KATNAL2: variants seen among roughly 807,000 people sequenced by gnomAD.
KATNAL2 encodes the protein katanin p60 ATPase-containing subunit A-like 2.
A neutral mutation model predicts 76.3 loss-of-function variants in KATNAL2; 52 were observed. The observed-to-expected ratio is 0.68, with a 90% CI of 0.55 to 0.86. The LOEUF is 0.86. KATNAL2 is among the 40% of genes least tolerant of loss of function. The pLI is 0.00. For synonymous variants in KATNAL2, 243 were observed against 244.2 expected, an observed-to-expected ratio of 1.00 and a Z score of 0.05; for missense variants, 660 against 668.9, an observed-to-expected ratio of 0.99 and a Z score of 0.15.
intron 15 of KATNAL2, among the ~76,000 whole-genome samples, chr18:47,080,184 G>C (rs1021468080): frequency 6.6e-6 from 1 of 152,080 alleles, no homozygotes; most frequent in African/African-American, 2.4e-5. Flanking sequence ...TTTTAGTTGT[G>C]AGTTGATGCC....
At chr18:47,050,744 A>G (rs552792874) in intron 4 of KATNAL2, among the ~76,000 whole-genome samples, 1 of 152,368 alleles carries the variant, frequency 6.6e-6, no homozygotes, top group South Asian at 2.1e-4. Flanking sequence ...ACGAAGTTCT[A>G]CAAATTCAGC....
In KATNAL2 at chr18:47,100,264, G is replaced by C; in HGVS notation, c.1385G>C (p.Gly462Ala). The change falls in exon 17 of 18, where the codon GGC becomes GCC. Residue 462 changes from glycine to alanine, a missense_variant. Physicochemically the swap from Gly to Ala is moderately conservative, Grantham distance 60 (BLOSUM62 0). Transcript: ENST00000683218. Reference sequence around the variant, plus strand: ...TTTTGGCTGTTTCAGGAGACTGAGGGCTACTCAGGCTCAGATATTAAGCTC... The same window carrying C: ...TTTTGGCTGTTTCAGGAGACTGAGGCCTACTCAGGCTCAGATATTAAGCTC... ...EYSVLSQETE[G>A]YSGSDIKLVC... The C allele has an allele frequency of 6.2e-7, 1 of 1,613,718 alleles. No individual in the cohort carries two copies. The highest frequency in any genetic ancestry group is 1.1e-5 in the South Asian group (1 of 91,068).
chr18:47,040,798 A>T (rs1223693397), intron 3 of KATNAL2, among the ~76,000 whole-genome samples: 1 of 152,166 alleles, frequency 6.6e-6, no homozygotes, highest in Non-Finnish European at 1.5e-5. Context: ...TTAAAAAAGA[A>T]TGTGACCAAA....
chr18:47,083,227 T>C (rs1446062511), intron 15 of KATNAL2, among the ~76,000 whole-genome samples: 1 of 152,246 alleles, frequency 6.6e-6, no homozygotes. Flanking sequence ...GATGTCCTTC[T>C]ATGAGAAAAT....
chr18:46,944,546 C>A (rs1036859099), intron 1 of KATNAL2, among the ~76,000 whole-genome samples: 2 of 151,980 alleles, frequency 1.3e-5, no homozygotes, highest in Non-Finnish European at 2.9e-5. Flanking sequence ...ACCAGCCTGG[C>A]CAACATGGTG....
chr18:47,051,322 T>C (rs1383947844), intron 4 of KATNAL2, among the ~76,000 whole-genome samples: 2 of 151,986 alleles, frequency 1.3e-5, no homozygotes, highest in Non-Finnish European at 2.9e-5. Context: ...TCCAAGCTAC[T>C]TGAAAGGCTG....
chr18:47,089,971 AGAGCTGGGG>A (rs2062929620), intron 15 of KATNAL2, among the ~76,000 whole-genome samples: 1 of 152,204 alleles, frequency 6.6e-6, no homozygotes, highest in Non-Finnish European at 1.5e-5. Context: ...TATTTTTGGT[AGAGCTGGGG>A]TTTCACCATG....
intron 3 of KATNAL2, chr18:47,033,441 G>A (rs267605191): frequency 4.3e-6 from 7 of 1,613,858 alleles, no homozygotes; most frequent in Admixed American, 1.7e-5. Flanking sequence ...GAAGCCGCAG[G>A]TACTGCTCCC....
At chr18:47,059,894 A>C (rs2061581138) in intron 8 of KATNAL2, among the ~76,000 whole-genome samples, 1 of 152,092 alleles carries the variant, frequency 6.6e-6, no homozygotes, top group South Asian at 2.1e-4. Flanking sequence ...ACATTTGTAA[A>C]TTGAGGGGCT....
At chr18:47,031,636 G>T (rs2060454217) in intron 3 of KATNAL2, among the ~76,000 whole-genome samples, 2 of 152,278 alleles carry the variant, frequency 1.3e-5, no homozygotes, top group African/African-American at 4.8e-5. Context: ...CAATTCTTCA[G>T]AGCTAGAATG....
At chr18:46,957,440 G>C (rs1456055394) in intron 3 of KATNAL2, among the ~76,000 whole-genome samples, 2 of 151,496 alleles carry the variant, frequency 1.3e-5, no homozygotes, top group African/African-American at 4.8e-5. Context: ...ATTTTTAGTA[G>C]AGACGGTGTT....
chr18:47,032,911 T>G, intron 3 of KATNAL2: 1 of 1,606,080 alleles, frequency 6.2e-7, no homozygotes, highest in Non-Finnish European at 8.5e-7. Flanking sequence ...TTAAAGGTTC[T>G]GGTGTCCATT....
intron 14 of KATNAL2, 39 bp downstream of exon 14, chr18:47,075,407 T>C: frequency 1.5e-6 from 2 of 1,377,738 alleles, no homozygotes; most frequent in East Asian, 2.8e-5. Context: ...TTGTTGTTTT[T>C]TGTCATGGCT....
intron 4 of KATNAL2, among the ~76,000 whole-genome samples, chr18:47,048,826 C>CTCTTTTTT: frequency 2.5e-5 from 3 of 118,504 alleles, no homozygotes; most frequent in Non-Finnish European, 3.5e-5. Context: ...AGAAGCCAGA[C>CTCTTTTTT]TCTTTTTTTT....
chr18:47,036,073 T>C (rs2060762402), intron 3 of KATNAL2, among the ~76,000 whole-genome samples: 1 of 152,254 alleles, frequency 6.6e-6, no homozygotes, highest in Non-Finnish European at 1.5e-5. Context: ...CTGATGTTTC[T>C]GGGAATTTAA....
At chr18:46,933,306 A>G (rs2058988841) in intron 1 of KATNAL2, among the ~76,000 whole-genome samples, 2 of 152,224 alleles carry the variant, frequency 1.3e-5, no homozygotes, top group African/African-American at 4.8e-5. Flanking sequence ...GGAATTTACC[A>G]ATGCAAAGGC....
chr18:46,932,728 T>A (rs1480853608), intron 1 of KATNAL2, among the ~76,000 whole-genome samples: 1 of 146,212 alleles, frequency 6.8e-6, no homozygotes. Context: ...AAGGCTATTA[T>A]AACTTTGATG....
chr18:47,040,637 G>A (rs2060930625), intron 3 of KATNAL2, among the ~76,000 whole-genome samples: 1 of 152,146 alleles, frequency 6.6e-6, no homozygotes, highest in Admixed American at 6.5e-5. Flanking sequence ...TTTGTAAGAA[G>A]ACTTAAAAAG....
At position 47,075,295 on chromosome 18, in the gene KATNAL2, C is replaced by T; in HGVS notation, c.1027C>T (p.Arg343Cys). 2.6e-6 allele frequency: 4 copies of T among 1,557,586 alleles called. No homozygotes were observed. Among genetic ancestry groups the T allele is most frequent in the South Asian group, 1.2e-5 (1 of 81,142 alleles). The change falls in exon 14 of 18, where the codon CGC becomes TGC. Residue 343 changes from arginine to cysteine, a missense_variant. Physicochemically the swap from Arg to Cys is radical, Grantham distance 180. Transcript: ENST00000683218. ...CACCCAGGTGTTATTTGAGCTTGCC[C>T]GCTACCACGCCCCATCCACGATCTT... ...KLVRVLFELA[R>C]YHAPSTIFLD...
Sources: allele counts gnomAD v4.1 joint callset (sites outside exome capture counted in the v4.1 genomes callset), GRCh38; gene constraint gnomAD v4.1.1; transcripts MANE v1.5; gene names NCBI Gene and HGNC (gene_info 2026-07-23, HGNC 2026-07-21).